NUDT17: variants seen among roughly 807,000 people sequenced by gnomAD.
NUDT17 encodes the protein nudix hydrolase 17.
Under a neutral mutation model 38.6 loss-of-function variants are expected in NUDT17, and 38 were observed. The ratio of observed to expected loss-of-function variants is 0.98; its 90% confidence interval spans 0.76 to 1.29. NUDT17 has a LOEUF of 1.29. Among genes scored for constraint, NUDT17 ranks in the 50% most tolerant of loss-of-function variants. NUDT17 has a pLI of 0.00. For missense variants in NUDT17, 462 were observed against 415.2 expected, an observed-to-expected ratio of 1.11 and a Z score of -0.98; for synonymous variants, 192 against 167.8, an observed-to-expected ratio of 1.14 and a Z score of -1.11.
chr1:145,846,044 A>G lies in NUDT17; in HGVS notation c.224A>G (p.Glu75Gly). 1 of 1,604,858 alleles carries G rather than the reference A, an allele frequency of 6.2e-7. No homozygotes were observed. The highest frequency in any genetic ancestry group is 8.5e-7 in the Non-Finnish European group (1 of 1,176,532). The change falls in exon 2 of 8, where the codon GAG becomes GGG. Residue 75 changes from glutamate (E) to glycine (G), a missense_variant. Glu to Gly is a moderately conservative substitution (Grantham distance 98). Transcript: ENST00000334513. ...RPPFCPFAAL[E>G]ERPRVPGAEL... Reference sequence around the variant, plus strand: ...CCTTTCTGCCCTTTTGCGGCCCTGGAGGAGCGGCCCAGGGTCCCTGGGGCT... The same window carrying G: ...CCTTTCTGCCCTTTTGCGGCCCTGGGGGAGCGGCCCAGGGTCCCTGGGGCT...
chr1:145,848,783 G>A lies in NUDT17; in HGVS notation c.*304G>A, dbSNP rs894339046. 25 of 272,618 alleles carry A rather than the reference G, an allele frequency of 9.2e-5. No homozygotes were observed. The highest frequency in any genetic ancestry group is 3.1e-4 in the East Asian group (4 of 13,074). The allele number at this position is 272,618 out of a possible 1,614,324, so 16.9% of individuals were successfully genotyped here. A position where few individuals can be genotyped will look rare whatever the true frequency, so the allele number is the denominator to read the frequency against. ...TAGAGAGAGACCCAAGCAATAGGCC[G>A]GGCCTGACTCCCAGACCCCTGCAGA... On this transcript the variant is annotated 3_prime_UTR_variant, in exon 8 of 8. Coordinates refer to ENST00000334513, the MANE Select transcript of NUDT17 (RefSeq NM_001012758.3).
intron 4 of NUDT17, 37 bp downstream of exon 4, chr1:145,846,727 C>A (rs782123062): frequency 7.3e-7 from 1 of 1,369,656 alleles, no homozygotes; most frequent in Non-Finnish European, 1.0e-6. Flanking sequence ...CTCCATAGAT[C>A]AGCCCCTACC....
At chr1:145,847,448 A>AGAGATAAC in intron 5 of NUDT17, 100 bp downstream of exon 5, 1 of 1,400,802 alleles carries the variant, frequency 7.1e-7, no homozygotes, top group Non-Finnish European at 1.0e-6. Flanking sequence ...GGGGGTAGTC[A>AGAGATAAC]GAGATAACGA....
chr1:145,847,428 C>CGGGGGGG, intron 5 of NUDT17, 80 bp downstream of exon 5: 2 of 527,246 alleles, frequency 3.8e-6, no homozygotes, highest in Non-Finnish European at 7.2e-6. Context: ...AGGAGCTGGG[C>CGGGGGGG]GGGGGTGGCG....
chr1:145,847,381 T>G lies in NUDT17; in HGVS notation c.594+33T>G, dbSNP rs782739685. On this transcript the variant is annotated intron_variant, in intron 5 of 7. Transcript: ENST00000334513. The stretch of plus-strand genomic sequence containing the variant: ...TGGCAGTGAGGGAAGGAAACAGGGC[T>G]CAGGGGAGCCCAAGCAACCTGGTTC... The G allele has an allele frequency of 2.0e-6, 3 of 1,528,474 alleles. No homozygotes were observed. In the South Asian group the frequency reaches 3.4e-5, roughly 18 times the overall value. The allele number at this position is 1,528,474 out of a possible 1,614,324, so 94.7% of individuals were successfully genotyped here.
Position 145,847,728 on chromosome 1 carries a change from G to A in NUDT17, c.731+9G>A. On this transcript the variant is annotated intron_variant, in intron 6 of 7. Transcript: ENST00000334513. ...CTACCACCCTCTGTCCTGTAAGTAA[G>A]AGCTTCTCCCTCAGCCTCTAATACA... The A allele has an allele frequency of 6.2e-7, 1 of 1,613,932 alleles. No homozygotes were observed. Among genetic ancestry groups the A allele is most frequent in the Non-Finnish European group, 8.5e-7 (1 of 1,179,848 alleles).
At chr1:145,846,970 T>C (rs1652726064) in intron 4 of NUDT17, among the ~76,000 whole-genome samples, 1 of 152,198 alleles carries the variant, frequency 6.6e-6, no homozygotes, top group Admixed American at 6.5e-5. Flanking sequence ...GGTGGGCGGA[T>C]CACCTGAGGT....
rs1553732338 is a variant in NUDT17, at chr1:145,846,072, G to A, written c.252G>A (p.Glu84=). 3.1e-6 allele frequency: 5 copies of A among 1,605,396 alleles called. No homozygotes were observed. Among genetic ancestry groups the A allele is most frequent in the Non-Finnish European group, 3.4e-6 (4 of 1,176,694 alleles). Residue 84 remains glutamate (E), a synonymous_variant, in exon 2 of 8, where the codon GAG becomes GAA. Transcript: ENST00000334513. ...LEERPRVPGA[E]LPTDRGVDLG... is the part of the protein sequence containing the mutation. ...AGCGGCCCAGGGTCCCTGGGGCTGA[G>A]CTGCCCACAGATCGAGGTGTGGACC...
At position 145,848,526 on chromosome 1, in the gene NUDT17, A is replaced by G. The variant is rs587651169; in HGVS notation, c.*47A>G. The stretch of plus-strand genomic sequence containing the variant: ...CCCATCTCCATGACACTCACAGAAC[A>G]TTCACAACCTTTATTATGGGTGAGA... On this transcript the variant is annotated 3_prime_UTR_variant, in exon 8 of 8. Transcript: ENST00000334513. 1 of 1,271,070 alleles carries G rather than the reference A, an allele frequency of 7.9e-7. No individual in the cohort carries two copies. The highest frequency in any genetic ancestry group is 1.5e-5 in the African/African-American group (1 of 67,566). The allele number at this position is 1,271,070 out of a possible 1,614,324, so 78.7% of individuals were successfully genotyped here.
intron 5 of NUDT17, 56 bp from the exon 6 acceptor site, chr1:145,847,527 C>T (rs587702680): frequency 2.9e-5 from 47 of 1,602,158 alleles, no homozygotes; most frequent in African/African-American, 6.7e-5. Context: ...GTTTTGATCA[C>T]GAACAGGCAG....
chr1:145,846,122 C>A lies in NUDT17; in HGVS notation c.302C>A (p.Ser101Tyr). The change falls in exon 2 of 8, where the codon TCC (serine) becomes TAC (tyrosine). Residue 101 changes from serine (S) to tyrosine (Y), a missense_variant. Coordinates refer to ENST00000334513, the MANE Select transcript of NUDT17 (RefSeq NM_001012758.3). Reference sequence around the variant, plus strand: ...CTGGGTGTGGCCGTCATTCTGCAGTCCAGCGACAAGACTGTCTTGCTAACC... The same window carrying A: ...CTGGGTGTGGCCGTCATTCTGCAGTACAGCGACAAGACTGTCTTGCTAACC... ...VDLGVAVILQ[S>Y]SDKTVLLTRR... 6.2e-7 allele frequency: 1 copy of A among 1,601,046 alleles called. No individual in the cohort carries two copies. Among genetic ancestry groups the A allele is most frequent in the Admixed American group, 1.7e-5 (1 of 57,652 alleles).
At position 145,845,718 on chromosome 1, in the gene NUDT17, C is replaced by T; in HGVS notation, c.78C>T (p.Leu26=). 1.3e-6 allele frequency: 2 copies of T among 1,555,520 alleles called. No homozygotes were observed. Among genetic ancestry groups the T allele is most frequent in the East Asian group, 4.8e-5 (2 of 41,502 alleles). Residue 26 remains leucine (L), a synonymous_variant, in exon 1 of 8, where the codon CTC becomes CTT. Coordinates refer to ENST00000334513, the MANE Select transcript of NUDT17 (RefSeq NM_001012758.3). ...SVSFARSVCG[L]LGAGPGLGTW... is the part of the protein sequence containing the mutation. ...GCTTCGCACGGAGTGTGTGTGGCCT[C>T]CTGGGAGCCGGACCAGGGCTCGGGA...
At position 145,848,679 on chromosome 1, in the gene NUDT17, A is replaced by AG. The variant is rs1652831477; in HGVS notation, c.*201dup. The AG allele has an allele frequency of 1.8e-6, 1 of 564,480 alleles. No individual in the cohort carries two copies. The highest frequency in any genetic ancestry group is 1.9e-5 in the African/African-American group (1 of 53,128). The allele number at this position is 564,480 out of a possible 1,614,324, so 35.0% of individuals were successfully genotyped here. ...CACCTCCCTGGAAAGGTGCAGAATG[A>AG]GCCAGGCCTAACTACAGGGCCATGA... is the stretch of plus-strand genomic sequence containing the variant. On this transcript the variant is annotated 3_prime_UTR_variant, in exon 8 of 8. Coordinates refer to ENST00000334513, the MANE Select transcript of NUDT17 (RefSeq NM_001012758.3).
Position 145,845,821 on chromosome 1 carries a change from C to CT in NUDT17, c.183dup (p.Pro62SerfsTer23), listed in dbSNP as rs782346353. ...GCCCTTCCCAGGCGCCTCCGCTAGG[C>CT]TTCCGCTCCAGGTCGGCAGAAGGGG... On this transcript the variant is annotated frameshift_variant, in exon 1 of 8. Coordinates refer to ENST00000334513, the MANE Select transcript of NUDT17 (RefSeq NM_001012758.3). LOFTEE classifies it high-confidence loss of function. 6.3e-7 allele frequency: 1 copy of CT among 1,595,784 alleles called. No individual in the cohort carries two copies. The highest frequency in any genetic ancestry group is 2.3e-5 in the East Asian group (1 of 44,154).
At position 145,848,742 on chromosome 1, in the gene NUDT17, A is replaced by AACTT. The variant is rs1652834533; in HGVS notation, c.*265_*268dup. 2 of 403,128 alleles carry AACTT rather than the reference A, an allele frequency of 5.0e-6. No homozygotes were observed. Among genetic ancestry groups the AACTT allele is most frequent in the African/African-American group, 2.0e-5 (1 of 48,990 alleles). 25.0% of individuals were successfully genotyped at this position (403,128 alleles called of 1,614,324 possible). On this transcript the variant is annotated 3_prime_UTR_variant, in exon 8 of 8. Coordinates refer to ENST00000334513, the MANE Select transcript of NUDT17 (RefSeq NM_001012758.3). The stretch of plus-strand genomic sequence containing the variant: ...TTAGGGGGGAATAAGAAACACTGTG[A>AACTT]ACTTAGATATATAAATAGAGAGAGA...
chr1:145,847,402 G>A (rs1333162472), intron 5 of NUDT17, 54 bp downstream of exon 5: 1 of 1,422,138 alleles, frequency 7.0e-7, no homozygotes, highest in Non-Finnish European at 9.8e-7. Context: ...CAAGCAACCT[G>A]GTTCTGACTG....
intron 5 of NUDT17, 86 bp downstream of exon 5, chr1:145,847,434 T>TGGGGGGGGGG: frequency 1.4e-6 from 1 of 739,898 alleles, no homozygotes; most frequent in Non-Finnish European, 2.2e-6. Context: ...TGGGCGGGGG[T>TGGGGGGGGGG]GGCGGGGGTA....
chr1:145,847,575 G>C lies in NUDT17; in HGVS notation c.595-8G>C. ...CAATGACTGAGGGGTCACCATGTCT[G>C]ACCCCAGGCCCGGATCCAACCAAAC... On this transcript the variant is annotated splice_region_variant and splice_polypyrimidine_tract_variant and intron_variant, in intron 5 of 7. Coordinates refer to ENST00000334513, the MANE Select transcript of NUDT17 (RefSeq NM_001012758.3). 2 of 1,612,504 alleles carry C rather than the reference G, an allele frequency of 1.2e-6. No homozygotes were observed. Among genetic ancestry groups the C allele is most frequent in the Non-Finnish European group, 8.5e-7 (1 of 1,179,956 alleles).
chr1:145,848,380 A>G lies in NUDT17; in HGVS notation c.888A>G (p.Thr296=). 1.2e-6 allele frequency: 2 copies of G among 1,613,196 alleles called. No homozygotes were observed. The highest frequency in any genetic ancestry group is 1.7e-6 in the Non-Finnish European group (2 of 1,179,562). ...CTCTCTTGGAATTCCTCCACAGAAC[A>G]CCCCCACCGTGTAAAAGTGCAGCTT... is the stretch of plus-strand genomic sequence containing the variant. ...LKLWLQHLGR[T]PPPCKSAAYL... Residue 296 remains threonine, a synonymous_variant, in exon 8 of 8, where the codon ACA becomes ACG. Transcript: ENST00000334513.
Sources: allele counts gnomAD v4.1 joint callset (sites outside exome capture counted in the v4.1 genomes callset), GRCh38; gene constraint gnomAD v4.1.1; transcripts MANE v1.5; gene names NCBI Gene and HGNC (gene_info 2026-07-23, HGNC 2026-07-21).